VAT1L: variants seen among roughly 807,000 people sequenced by gnomAD.
The protein encoded by VAT1L is putative NADPH-dependent quinone oxidoreductase VAT1L.
A neutral mutation model predicts 44.1 loss-of-function variants in VAT1L; 34 were observed. The observed-to-expected ratio is 0.77, with a 90% CI of 0.59 to 1.03. VAT1L has a LOEUF of 1.03. VAT1L is among the 50% of genes least tolerant of loss of function. The probability of loss-of-function intolerance (pLI) is 0.00; values close to 1 mark genes in which losing one functional copy is unlikely to be tolerated. For missense variants in VAT1L, 615 were observed against 538.8 expected (o/e 1.14, Z -1.40); for synonymous variants, 253 against 202.2 (o/e 1.25, Z -2.13).
At chr16:77,838,093 G>A (rs965136357) in intron 3 of VAT1L, among the ~76,000 whole-genome samples, 2 of 152,016 alleles carry the variant, frequency 1.3e-5, no homozygotes, top group South Asian at 2.1e-4. Context: ...TCCAAACATC[G>A]CTTTCCTTGA....
intron 2 of VAT1L, among the ~76,000 whole-genome samples, chr16:77,823,663 AG>A (rs2016486091): frequency 6.6e-6 from 1 of 152,234 alleles, no homozygotes; most frequent in African/African-American, 2.4e-5. Flanking sequence ...TGAAGATTAC[AG>A]TCTAGTACAT....
At chr16:77,871,955 G>A (rs1465246785) in intron 4 of VAT1L, among the ~76,000 whole-genome samples, 3 of 151,952 alleles carry the variant, frequency 2.0e-5, no homozygotes, top group Admixed American at 6.6e-5. Context: ...TTGAAGGTGG[G>A]GCATTTTGAA....
chr16:77,865,611 C>G (rs532042487), intron 4 of VAT1L, among the ~76,000 whole-genome samples: 3 of 152,150 alleles, frequency 2.0e-5, no homozygotes, highest in Non-Finnish European at 4.4e-5. Flanking sequence ...AAGGTGCTAT[C>G]GAATACTTAC....
chr16:77,861,988 A>G (rs117233791), intron 3 of VAT1L, among the ~76,000 whole-genome samples: 4,654 of 152,288 alleles, frequency 0.031, 84 homozygotes, highest in Non-Finnish European at 0.044. Flanking sequence ...CAGGTAAAAT[A>G]CCTACATCCA....
intron 7 of VAT1L, among the ~76,000 whole-genome samples, chr16:77,912,707 A>G (rs895884640): frequency 6.6e-6 from 1 of 152,140 alleles, no homozygotes; most frequent in Non-Finnish European, 1.5e-5. Context: ...CCTGATAGCT[A>G]TTGCCTTAGT....
intron 4 of VAT1L, 149 bp from the exon 5 acceptor site, chr16:77,876,221 C>A (rs901858083): frequency 3.1e-6 from 2 of 644,474 alleles, no homozygotes; most frequent in Non-Finnish European, 5.5e-6. Flanking sequence ...ATATCCACCT[C>A]CTGGGCTTCT....
At chr16:77,851,429 G>T (rs983047302) in intron 3 of VAT1L, among the ~76,000 whole-genome samples, 1 of 152,178 alleles carries the variant, frequency 6.6e-6, no homozygotes, top group African/African-American at 2.4e-5. Context: ...TGAAAGGATT[G>T]CTTGAGGCCA....
chr16:77,973,976 C>G (rs2142547272), intron 8 of VAT1L, among the ~76,000 whole-genome samples: 1 of 152,266 alleles, frequency 6.6e-6, no homozygotes, highest in East Asian at 1.9e-4. Context: ...CTCGGCCTCC[C>G]AAAATGCTGG....
At chr16:77,915,715 T>C (rs2017545156) in intron 7 of VAT1L, among the ~76,000 whole-genome samples, 2 of 152,162 alleles carry the variant, frequency 1.3e-5, no homozygotes, top group South Asian at 4.1e-4. Flanking sequence ...AATGAACCAA[T>C]GGAGAACTAA....
chr16:77,820,943 T>C (rs901170879), intron 2 of VAT1L, among the ~76,000 whole-genome samples: 1 of 152,170 alleles, frequency 6.6e-6, no homozygotes, highest in African/African-American at 2.4e-5. Context: ...AGCAGTGCAT[T>C]CTAGTCAATT....
chr16:77,825,438 G>T lies in VAT1L; in HGVS notation c.556G>T (p.Val186Leu), dbSNP rs779156303. The T allele has an allele frequency of 4.1e-5, 66 of 1,598,698 alleles. No homozygotes were observed. Among genetic ancestry groups the T allele is most frequent in the Non-Finnish European group, 8.5e-6 (10 of 1,171,738 alleles). ...CCTCCGGGAAGGGATGTCTGTGCTC[G>T]TGCACTCAGCTGGTGGGGGCGTGGT... ...ANLREGMSVLVHSAGGGVGQA... is the reference protein window; with the variant it reads ...ANLREGMSVLLHSAGGGVGQA... Residue 186 changes from valine (V) to leucine (L), a missense_variant, in exon 3 of 9, where the codon GTG (valine) becomes TTG (leucine). Val to Leu is a conservative substitution (Grantham distance 32). Transcript: ENST00000302536.
intron 7 of VAT1L, among the ~76,000 whole-genome samples, chr16:77,887,085 G>A (rs528079843): frequency 2.0e-5 from 3 of 152,268 alleles, no homozygotes; most frequent in African/African-American, 7.2e-5. Context: ...CTCTCAATAG[G>A]TATCATTGGA....
chr16:77,976,376 T>G (rs2018340059), intron 8 of VAT1L, among the ~76,000 whole-genome samples: 1 of 152,068 alleles, frequency 6.6e-6, no homozygotes, highest in Non-Finnish European at 1.5e-5. Context: ...AAAGGAAACA[T>G]AGGTATGGAC....
intron 3 of VAT1L, among the ~76,000 whole-genome samples, chr16:77,847,571 G>A (rs1272952768): frequency 1.3e-5 from 2 of 152,196 alleles, no homozygotes; most frequent in Admixed American, 6.5e-5. Context: ...AATGCAGTGT[G>A]ACGTGCAATA....
At chr16:77,824,157 C>T (rs898160826) in intron 2 of VAT1L, among the ~76,000 whole-genome samples, 9 of 152,182 alleles carry the variant, frequency 5.9e-5, no homozygotes, top group Admixed American at 5.9e-4. Context: ...AGAAGTTTGC[C>T]AGGTGAAAGG....
chr16:77,826,060 A>T, intron 3 of VAT1L, among the ~76,000 whole-genome samples: 1 of 135,152 alleles, frequency 7.4e-6, no homozygotes, highest in East Asian at 2.3e-4. Context: ...GAAAGAAATT[A>T]GCCGGGCGTA....
chr16:77,965,400 TG>T (rs1426545768), intron 7 of VAT1L, among the ~76,000 whole-genome samples: 1 of 152,194 alleles, frequency 6.6e-6, no homozygotes, highest in Non-Finnish European at 1.5e-5. Context: ...GCACTTGGGA[TG>T]CTGTCAAATT....
chr16:77,921,146 G>T (rs1168242438), intron 7 of VAT1L, among the ~76,000 whole-genome samples: 1 of 152,164 alleles, frequency 6.6e-6, no homozygotes, highest in Non-Finnish European at 1.5e-5. Flanking sequence ...TATCTTAATG[G>T]TAAGAAGGGC....
intron 3 of VAT1L, among the ~76,000 whole-genome samples, chr16:77,848,895 A>G (rs1178806721): frequency 2.0e-5 from 3 of 152,208 alleles, no homozygotes; most frequent in Non-Finnish European, 4.4e-5. Flanking sequence ...TTGCAGGGAC[A>G]TGGATGAAGC....
Sources: gnomAD v4.1 joint callset for allele counts (sites outside exome capture counted in the v4.1 genomes callset) on GRCh38, gnomAD v4.1.1 for gene constraint, MANE v1.5 for transcripts, NCBI Gene and HGNC (gene_info 2026-07-23, HGNC 2026-07-21) for gene names.